The following RFX3 variants were observed in gnomAD, a reference collection of about 807,000 sequenced individuals.
RFX3 encodes transcription factor RFX3.
Under a neutral mutation model 98.6 loss-of-function variants are expected in RFX3, and 14 were observed. The ratio of observed to expected loss-of-function variants is 0.14; its 90% confidence interval spans 0.09 to 0.22. RFX3 has a LOEUF of 0.22. Among genes scored for constraint, RFX3 ranks in the 10% least tolerant of loss-of-function variants. The pLI, the probability that RFX3 is intolerant of heterozygous loss-of-function variation, is 1.00. For synonymous variants in RFX3, 383 were observed against 328.4 expected (o/e 1.17, Z -1.80); for missense variants, 639 against 926.9 (o/e 0.69, Z 4.03).
At chr9:3,291,748 T>C (rs1197653077) in intron 6 of RFX3, among the ~76,000 whole-genome samples, 1 of 152,124 alleles carries the variant, frequency 6.6e-6, no homozygotes, top group Non-Finnish European at 1.5e-5. Flanking sequence ...CTCTTTTTGG[T>C]ATACATTTTT....
chr9:3,298,575 T>C (rs1374226588), intron 5 of RFX3, among the ~76,000 whole-genome samples: 1 of 151,838 alleles, frequency 6.6e-6, no homozygotes, highest in African/African-American at 2.4e-5. Flanking sequence ...AAATCCTTAC[T>C]TTCTTGGAAC....
intron 15 of RFX3, among the ~76,000 whole-genome samples, chr9:3,230,997 C>T (rs72697059): frequency 0.039 from 5,896 of 152,212 alleles, 260 homozygotes; most frequent in African/African-American, 0.11. Flanking sequence ...CTACTTAATA[C>T]GAATAATACA....
chr9:3,397,907 G>A lies in RFX3; in HGVS notation c.-8-2311C>T, dbSNP rs573710523. Among the ~76,000 whole-genome samples the A allele has an allele frequency of 4.9e-4, 74 of 152,242 alleles. 2 individuals carry two copies. The South Asian group carries it at 0.015, about 30-fold the overall frequency. Reference sequence around the variant, plus strand: ...ACTATAATCTGCATTTACAAATGAGGAACCTCAGGCACAGAGAGCAGAAGT... The same window carrying A: ...ACTATAATCTGCATTTACAAATGAGAAACCTCAGGCACAGAGAGCAGAAGT... On this transcript the variant is annotated intron_variant, in intron 1 of 16. Coordinates refer to ENST00000617270, the MANE Select transcript of RFX3 (RefSeq NM_001282116.2).
At chr9:3,491,705 A>C (rs1260823380) in intron 1 of RFX3, among the ~76,000 whole-genome samples, 2 of 152,164 alleles carry the variant, frequency 1.3e-5, no homozygotes, top group Non-Finnish European at 2.9e-5. Context: ...ACAGTTGCTT[A>C]GGATCTCTTT....
At chr9:3,336,130 C>A (rs1833147382) in intron 3 of RFX3, among the ~76,000 whole-genome samples, 1 of 152,048 alleles carries the variant, frequency 6.6e-6, no homozygotes, top group Admixed American at 6.6e-5. Context: ...AATAAAATAG[C>A]ATGTAAATCT....
intron 13 of RFX3, among the ~76,000 whole-genome samples, chr9:3,261,718 G>A (rs1197371592): frequency 6.6e-6 from 1 of 152,076 alleles, no homozygotes; most frequent in Admixed American, 6.6e-5. Flanking sequence ...TTGACAAACT[G>A]CCACACTGTT....
At chr9:3,316,523 C>T (rs1270425506) in intron 4 of RFX3, among the ~76,000 whole-genome samples, 2 of 152,074 alleles carry the variant, frequency 1.3e-5, no homozygotes, top group Non-Finnish European at 2.9e-5. Flanking sequence ...AAGTTCTGGC[C>T]ATGGCAATCA....
intron 3 of RFX3, among the ~76,000 whole-genome samples, chr9:3,342,910 C>T (rs1834051570): frequency 6.6e-6 from 1 of 152,148 alleles, no homozygotes; most frequent in East Asian, 1.9e-4. Context: ...ATAAAATAAA[C>T]AGGGGCAAAA....
intron 1 of RFX3, among the ~76,000 whole-genome samples, chr9:3,418,600 G>A (rs1245713867): frequency 7.2e-5 from 11 of 152,038 alleles, no homozygotes; most frequent in Non-Finnish European, 1.0e-4. Context: ...GGCTGGTCTC[G>A]AACTCCTGAC....
At chr9:3,411,232 T>C (rs996495514) in intron 1 of RFX3, among the ~76,000 whole-genome samples, 2 of 152,186 alleles carry the variant, frequency 1.3e-5, no homozygotes, top group Non-Finnish European at 2.9e-5. Context: ...CAACAATGAA[T>C]ACATAAATTC....
At chr9:3,507,675 T>A (rs1165083072) in intron 1 of RFX3, among the ~76,000 whole-genome samples, 1 of 151,990 alleles carries the variant, frequency 6.6e-6, no homozygotes, top group African/African-American at 2.4e-5. Context: ...GCATAGTATT[T>A]GTGTATAGCC....
intron 13 of RFX3, among the ~76,000 whole-genome samples, chr9:3,261,639 T>C (rs1173896493): frequency 6.6e-6 from 1 of 152,112 alleles, no homozygotes; most frequent in Admixed American, 6.6e-5. Context: ...TGGACATGAT[T>C]TCATTTCTCT....
intron 1 of RFX3, among the ~76,000 whole-genome samples, chr9:3,510,908 T>A (rs1393795325): frequency 6.6e-6 from 1 of 152,034 alleles, no homozygotes; most frequent in African/African-American, 2.4e-5. Context: ...TTTCCTAATG[T>A]CAGTTAGAAT....
chr9:3,324,917 T>A (rs1370866831), intron 4 of RFX3, among the ~76,000 whole-genome samples: 4 of 151,878 alleles, frequency 2.6e-5, no homozygotes, highest in African/African-American at 9.7e-5. Flanking sequence ...TGAGCCGAGA[T>A]CACGCCACTG....
At chr9:3,365,810 C>A (rs1836995017) in intron 2 of RFX3, among the ~76,000 whole-genome samples, 3 of 151,992 alleles carry the variant, frequency 2.0e-5, no homozygotes, top group South Asian at 2.1e-4. Flanking sequence ...AACCCCCTAC[C>A]AATAATTTCA....
At chr9:3,344,810 T>A in intron 3 of RFX3, 1 of 710,830 alleles carries the variant, frequency 1.4e-6, no homozygotes, top group South Asian at 1.5e-5. Context: ...CTTTTTCATT[T>A]GGTATAAATG....
chr9:3,380,777 G>T (rs923921229), intron 2 of RFX3, among the ~76,000 whole-genome samples: 17 of 152,160 alleles, frequency 1.1e-4, no homozygotes, highest in African/African-American at 3.9e-4. Context: ...TTTTCCACGT[G>T]AAATAAATTG....
intron 1 of RFX3, among the ~76,000 whole-genome samples, chr9:3,474,856 G>A (rs1382111250): frequency 6.6e-6 from 1 of 152,148 alleles, no homozygotes; most frequent in Admixed American, 6.5e-5. Flanking sequence ...CCGCACTTTG[G>A]GAGGCCAAGG....
In RFX3 at chr9:3,492,222, G is replaced by A. The variant is rs545031734; in HGVS notation, c.-9+33525C>T. ...CAAATACTGTCCTACTTTCTCAGTG[G>A]CTCCATAATTCTCCTGAAACCCAGT... On this transcript the variant is annotated intron_variant, in intron 1 of 16. Transcript: ENST00000617270. 2.4e-4 allele frequency among the ~76,000 whole-genome samples: 36 copies of A among 152,266 alleles called. No homozygotes were observed. In the South Asian group the frequency reaches 7.1e-3, roughly 30 times the overall value.
Sources: allele counts gnomAD v4.1 joint callset (sites outside exome capture counted in the v4.1 genomes callset), GRCh38; gene constraint gnomAD v4.1.1; transcripts MANE v1.5; gene names NCBI Gene and HGNC (gene_info 2026-07-23, HGNC 2026-07-21).